The following MGST1 variants were observed in gnomAD, a reference collection of about 807,000 sequenced individuals.
The protein encoded by MGST1 is microsomal glutathione S-transferase 1.
In MGST1, 5 loss-of-function variants were observed where a neutral mutation model predicts 8.9. The observed-to-expected ratio is 0.56, with a 90% CI of 0.29 to 1.19. The LOEUF (loss-of-function observed/expected upper bound fraction) is 1.19, where lower values mean the gene tolerates loss of function less well. Ranked by LOEUF, MGST1 falls within the 50% of genes most tolerant of loss-of-function variation. The probability of loss-of-function intolerance (pLI) is 0.08; values close to 1 mark genes in which losing one functional copy is unlikely to be tolerated. For synonymous variants in MGST1, 54 were observed against 67.8 expected (o/e 0.80, Z 1.00); for missense variants, 182 against 187.4 (o/e 0.97, Z 0.17).
chr12:16,391,230 T>C (rs1940550389), intron 1 of MGST1, among the ~76,000 whole-genome samples: 1 of 152,020 alleles, frequency 6.6e-6, no homozygotes, highest in Non-Finnish European at 1.5e-5. Flanking sequence ...ACCACGGTGG[T>C]TTGCTGCAGC....
At chr12:16,450,485 G>A (rs868372668) in intron 4 of MGST1, among the ~76,000 whole-genome samples, 4 of 151,952 alleles carry the variant, frequency 2.6e-5, no homozygotes, top group South Asian at 2.1e-4. Flanking sequence ...AATCACTCAA[G>A]AGCAGAGCCT....
At chr12:16,573,911 C>T (rs748143531) in intron 4 of MGST1, 1 of 152,178 alleles carries the variant, frequency 6.6e-6, no homozygotes, top group Non-Finnish European at 1.5e-5. Context: ...CTTTTCACAC[C>T]TGATAGGCCC....
intron 4 of MGST1, among the ~76,000 whole-genome samples, chr12:16,553,596 T>C (rs1166856660): frequency 6.6e-6 from 1 of 152,078 alleles, no homozygotes; most frequent in Non-Finnish European, 1.5e-5. Flanking sequence ...AAGGTCAAGA[T>C]GAAACGAACA....
At chr12:16,400,941 C>G in intron 1 of MGST1, 1 of 1,326,732 alleles carries the variant, frequency 7.5e-7, no homozygotes, top group South Asian at 1.2e-5. Flanking sequence ...CCCTTTTGTT[C>G]AGTCAGTCAC....
chr12:16,441,517 G>A (rs762805232), downstream of MGST1, among the ~76,000 whole-genome samples: 2 of 151,790 alleles, frequency 1.3e-5, no homozygotes, highest in Non-Finnish European at 2.9e-5. Context: ...TGTTGCTAGC[G>A]ATCATTGACT....
chr12:16,351,181 T>C (rs1939445024), intron 1 of MGST1, among the ~76,000 whole-genome samples: 2 of 152,154 alleles, frequency 1.3e-5, no homozygotes, highest in Admixed American at 6.5e-5. Context: ...TTACCTTAAT[T>C]TTAAAAAACT....
intron 4 of MGST1, among the ~76,000 whole-genome samples, chr12:16,523,703 T>C (rs1216853098): frequency 6.6e-6 from 1 of 152,106 alleles, no homozygotes; most frequent in Non-Finnish European, 1.5e-5. Flanking sequence ...CCCAAAATTA[T>C]CTGTAGGCGT....
At chr12:16,456,374 A>T (rs1269308485) in intron 4 of MGST1, among the ~76,000 whole-genome samples, 1 of 151,848 alleles carries the variant, frequency 6.6e-6, no homozygotes, top group Non-Finnish European at 1.5e-5. Context: ...GAAGCTGAAT[A>T]AAAAAATATA....
chr12:16,452,386 C>G (rs1367060553), intron 4 of MGST1, among the ~76,000 whole-genome samples: 2 of 145,580 alleles, frequency 1.4e-5, no homozygotes, highest in Non-Finnish European at 3.1e-5. Context: ...TAGATTGTGT[C>G]TATAGGAAGT....
In MGST1 at chr12:16,559,106, A is replaced by C. The variant is rs1463291176; in HGVS notation, n.483-30422A>C. Among the ~76,000 whole-genome samples, 2 of 152,196 alleles carry C rather than the reference A, an allele frequency of 1.3e-5. No homozygotes were observed. Among genetic ancestry groups the C allele is most frequent in the African/African-American group, 4.8e-5 (2 of 41,456 alleles). On this transcript the variant is annotated intron_variant and non_coding_transcript_variant, in intron 4 of 4. Coordinates refer to the MGST1 transcript ENST00000538857. The surrounding 1 kb of genome is among the most constrained non-coding windows in gnomAD (Gnocchi z 4.1). The stretch of plus-strand genomic sequence containing the variant: ...CAAATAGTACCTTTCAGAGTAAATT[A>C]CAATAACTGAGAACTTGATGCAACT...
chr12:16,526,501 C>T (rs923448202), intron 4 of MGST1, among the ~76,000 whole-genome samples: 1 of 151,788 alleles, frequency 6.6e-6, no homozygotes, highest in Non-Finnish European at 1.5e-5. Flanking sequence ...AAATTTCCTG[C>T]AGAATATTGT....
In MGST1 at chr12:16,410,893, C is replaced by T. The variant is rs556920205; in HGVS notation, n.779-26495C>T. On this transcript the variant is annotated intron_variant and non_coding_transcript_variant, in intron 1 of 1. Coordinates refer to the MGST1 transcript ENST00000359720. The surrounding 1 kb of genome is among the most constrained non-coding windows in gnomAD (Gnocchi z 4.4). ...TGTTCCAGAATCACTATTTCTCTTG[C>T]TTTTGTACCCTGCCAGGCTGGCCTA... Among the ~76,000 whole-genome samples the T allele has an allele frequency of 1.1e-4, 16 of 152,110 alleles. No homozygotes were observed. The South Asian group carries it at 3.3e-3, about 32-fold the overall frequency.
chr12:16,445,016 AT>A (rs533192217), intron 4 of MGST1, among the ~76,000 whole-genome samples: 7 of 151,554 alleles, frequency 4.6e-5, no homozygotes, highest in Non-Finnish European at 8.8e-5. Flanking sequence ...TCCATACTGT[AT>A]TTTTTTAACA....
intron 4 of MGST1, among the ~76,000 whole-genome samples, chr12:16,577,637 TAACA>T (rs973232624): frequency 7.9e-5 from 12 of 152,224 alleles, no homozygotes; most frequent in Non-Finnish European, 1.3e-4. Flanking sequence ...GTAAGAATAA[TAACA>T]AACAAACAGA....
rs560227577 is a variant in MGST1, at chr12:16,572,398, C to T, written n.483-17130C>T. On this transcript the variant is annotated intron_variant and non_coding_transcript_variant, in intron 4 of 4. Coordinates refer to the MGST1 transcript ENST00000538857. ...TTTCTACAGTGCTGACTTTAATTAA[C>T]GATTTTAGAATGTGTATCTATCTTC... 3.5e-4 allele frequency among the ~76,000 whole-genome samples: 35 copies of T among 98,854 alleles called. No homozygotes were observed. In the East Asian group the frequency reaches 6.5e-3, roughly 18 times the overall value. 64.9% of individuals were successfully genotyped at this position (98,854 alleles called of 152,430 possible). A position where few individuals can be genotyped will look rare whatever the true frequency, so the allele number is the denominator to read the frequency against.
At chr12:16,406,959 G>A (rs117972529) in intron 1 of MGST1, among the ~76,000 whole-genome samples, 65 of 152,164 alleles carry the variant, frequency 4.3e-4, no homozygotes, top group Non-Finnish European at 8.5e-4. Context: ...TAAACACCCT[G>A]GAAAACAATC....
At chr12:16,388,924 C>G (rs535266933) in intron 1 of MGST1, among the ~76,000 whole-genome samples, 56 of 152,328 alleles carry the variant, frequency 3.7e-4, no homozygotes, top group African/African-American at 1.3e-3. Flanking sequence ...AGCAACTACA[C>G]TGAATCTCAG....
At chr12:16,435,613 T>C (rs552590345) in intron 1 of MGST1, among the ~76,000 whole-genome samples, 2 of 152,088 alleles carry the variant, frequency 1.3e-5, no homozygotes, top group South Asian at 4.1e-4. Flanking sequence ...AAATATTTAT[T>C]GATCTTTTCT....
chr12:16,578,607 C>G (rs1318970245), intron 4 of MGST1, among the ~76,000 whole-genome samples: 1 of 152,108 alleles, frequency 6.6e-6, no homozygotes, highest in Non-Finnish European at 1.5e-5. Flanking sequence ...CACTTGAGGT[C>G]AGGAGTTCGA....
Sources: allele counts gnomAD v4.1 joint callset (sites outside exome capture counted in the v4.1 genomes callset), GRCh38; gene constraint gnomAD v4.1.1; non-coding constraint Gnocchi (gnomAD v3.1); transcripts MANE v1.5; gene names NCBI Gene and HGNC (gene_info 2026-07-23, HGNC 2026-07-21).